Variants in CCDC3 observed in about 807,000 individuals in gnomAD.
CCDC3 encodes coiled-coil domain containing 3.
Under a neutral mutation model 21.4 loss-of-function variants are expected in CCDC3, and 24 were observed. The observed-to-expected ratio is 1.12, with a 90% CI of 0.81 to 1.58. The LOEUF (loss-of-function observed/expected upper bound fraction) is 1.58, where lower values mean the gene tolerates loss of function less well. Among genes scored for constraint, CCDC3 ranks in the 40% most tolerant of loss-of-function variants. The pLI, the probability that CCDC3 is intolerant of heterozygous loss-of-function variation, is 0.00. For missense variants in CCDC3, 425 were observed against 360.9 expected (o/e 1.18, Z -1.44); for synonymous variants, 186 against 166.0 (o/e 1.12, Z -0.93).
chr10:12,919,298 G>A (rs564632754), intron 2 of CCDC3, among the ~76,000 whole-genome samples: 1 of 151,918 alleles, frequency 6.6e-6, no homozygotes, highest in South Asian at 2.1e-4. Context: ...AACTAGAAAT[G>A]AGTACTATTG....
chr10:13,066,607 G>T (rs1429312622), intron 4 of CCDC3, among the ~76,000 whole-genome samples: 1 of 152,224 alleles, frequency 6.6e-6, no homozygotes, highest in Non-Finnish European at 1.5e-5. Flanking sequence ...TGATGAGACA[G>T]CCAAATGCCT....
intron 2 of CCDC3, among the ~76,000 whole-genome samples, chr10:12,988,950 T>C (rs1298452711): frequency 6.6e-6 from 1 of 152,244 alleles, no homozygotes; most frequent in Non-Finnish European, 1.5e-5. Flanking sequence ...AATAAGTTAA[T>C]AGCCTTCACC....
At chr10:12,998,583 C>G (rs1835799319) in intron 1 of CCDC3, 71 bp from the exon 2 acceptor site, 2 of 1,432,680 alleles carry the variant, frequency 1.4e-6, no homozygotes, top group Non-Finnish European at 1.9e-6. Context: ...TCCAGAGTCA[C>G]AGACAACTGC....
chr10:12,901,308 C>T lies in CCDC3; in HGVS notation c.550-2629G>A, dbSNP rs546448900. Among the ~76,000 whole-genome samples the T allele has an allele frequency of 1.2e-4, 18 of 152,090 alleles. 1 individual carries two copies. The East Asian group carries it at 2.7e-3, about 23-fold the overall frequency. On this transcript the variant is annotated intron_variant, in intron 2 of 2. Coordinates refer to ENST00000378825, the MANE Select transcript of CCDC3 (RefSeq NM_031455.4). ...TTTTTGAGATGGAGTCTTGCTGTGT[C>T]GCCAGGCTGGAGTGCAGTGGCGTGA...
At chr10:13,078,246 A>G (rs541949570) in intron 3 of CCDC3, among the ~76,000 whole-genome samples, 58 of 152,296 alleles carry the variant, frequency 3.8e-4, no homozygotes, top group Non-Finnish European at 7.5e-4. Flanking sequence ...GCAGCCAAAA[A>G]ACACATGAAA....
intron 2 of CCDC3, among the ~76,000 whole-genome samples, chr10:12,945,348 G>A (rs1317003043): frequency 1.3e-5 from 2 of 151,754 alleles, no homozygotes; most frequent in African/African-American, 4.8e-5. Flanking sequence ...TTTTGTTAAA[G>A]GCAAAAAGAG....
chr10:13,018,110 A>G (rs1836093881), intron 5 of CCDC3, among the ~76,000 whole-genome samples: 1 of 151,926 alleles, frequency 6.6e-6, no homozygotes, highest in African/African-American at 2.4e-5. Context: ...AAAAATAATA[A>G]TAAGCCAAAG....
chr10:13,021,759 T>G (rs949534228), intron 5 of CCDC3, among the ~76,000 whole-genome samples: 7 of 152,130 alleles, frequency 4.6e-5, no homozygotes, highest in Non-Finnish European at 8.8e-5. Flanking sequence ...TTTTTTGTTT[T>G]TTTGTTTGTT....
At chr10:12,944,182 GCTCT>G (rs1309173614) in intron 2 of CCDC3, among the ~76,000 whole-genome samples, 1 of 152,076 alleles carries the variant, frequency 6.6e-6, no homozygotes, top group East Asian at 1.9e-4. Flanking sequence ...GCCCTACAAA[GCTCT>G]CTCTCATGGG....
intron 2 of CCDC3, among the ~76,000 whole-genome samples, chr10:12,925,149 A>G (rs1427194829): frequency 6.6e-6 from 1 of 152,128 alleles, no homozygotes; most frequent in African/African-American, 2.4e-5. Flanking sequence ...GGAGAGCCCA[A>G]CTGGGGAGCA....
At chr10:12,951,516 T>G (rs1456529656) in intron 2 of CCDC3, among the ~76,000 whole-genome samples, 1 of 152,128 alleles carries the variant, frequency 6.6e-6, no homozygotes, top group Non-Finnish European at 1.5e-5. Flanking sequence ...GCATCATTTA[T>G]GCAGTTTTGT....
chr10:12,923,750 G>A (rs922953379), intron 2 of CCDC3, among the ~76,000 whole-genome samples: 9 of 152,246 alleles, frequency 5.9e-5, no homozygotes, highest in East Asian at 1.9e-4. Context: ...CTCCCGACCC[G>A]TCTCCATGCC....
intron 2 of CCDC3, among the ~76,000 whole-genome samples, chr10:12,946,787 C>T (rs990247466): frequency 3.7e-4 from 56 of 152,256 alleles, no homozygotes; most frequent in Admixed American, 1.5e-3. Context: ...TCTGCCTTTT[C>T]CCTCCTTTAA....
chr10:12,907,340 T>C (rs1237370883), intron 2 of CCDC3, among the ~76,000 whole-genome samples: 2 of 152,162 alleles, frequency 1.3e-5, no homozygotes, highest in Non-Finnish European at 2.9e-5. Context: ...TGAAGCCCCA[T>C]TTCCCAGGAA....
At chr10:12,967,101 T>C (rs1272608004) in intron 2 of CCDC3, among the ~76,000 whole-genome samples, 1 of 152,188 alleles carries the variant, frequency 6.6e-6, no homozygotes, top group African/African-American at 2.4e-5. Context: ...ACCATGCCCC[T>C]CTCCACCTTC....
At chr10:12,902,011 TC>T (rs1488811244) in intron 2 of CCDC3, among the ~76,000 whole-genome samples, 1 of 151,758 alleles carries the variant, frequency 6.6e-6, no homozygotes, top group East Asian at 1.9e-4. Context: ...ATGTAATGTG[TC>T]CCCCTCCCCA....
chr10:13,001,940 C>G, upstream of CCDC3, among the ~76,000 whole-genome samples: 1 of 152,176 alleles, frequency 6.6e-6, no homozygotes, highest in Non-Finnish European at 1.5e-5. Context: ...TGGCGCCCCA[C>G]GATGGACGTG....
intron 2 of CCDC3, among the ~76,000 whole-genome samples, chr10:12,958,909 G>C (rs1835135654): frequency 6.6e-6 from 1 of 152,212 alleles, no homozygotes; most frequent in Non-Finnish European, 1.5e-5. Context: ...ACCATGGCCA[G>C]GGGAGAGACG....
chr10:13,041,680 A>G (rs1483598921), intron 5 of CCDC3, among the ~76,000 whole-genome samples: 2 of 151,844 alleles, frequency 1.3e-5, no homozygotes, highest in African/African-American at 4.8e-5. Flanking sequence ...GCATGCCACC[A>G]TGCCCAGCTG....
Sources: allele counts gnomAD v4.1 joint callset (sites outside exome capture counted in the v4.1 genomes callset), GRCh38; gene constraint gnomAD v4.1.1; transcripts MANE v1.5; gene names NCBI Gene and HGNC (gene_info 2026-07-23, HGNC 2026-07-21).